The following SLC36A1 variants were observed in gnomAD, a reference collection of about 807,000 sequenced individuals.
SLC36A1 encodes solute carrier family 36 member 1.
SLC36A1 carries 30 observed loss-of-function variants against 47.5 expected under a neutral mutation model. The ratio of observed to expected loss-of-function variants is 0.63; its 90% CI spans 0.47 to 0.86. The LOEUF (loss-of-function observed/expected upper bound fraction) is 0.86. Ranked by LOEUF, SLC36A1 falls within the 40% of genes least tolerant of loss-of-function variation. The pLI is 0.00. For missense variants in SLC36A1, 517 were observed against 606.0 expected, an observed-to-expected ratio of 0.85 and a Z score of 1.54; for synonymous variants, 255 against 249.7, an observed-to-expected ratio of 1.02 and a Z score of -0.20.
the SLC36A1 span, among the ~76,000 whole-genome samples, chr5:151,393,325 C>T: frequency 1.3e-5 from 2 of 152,086 alleles, no homozygotes; most frequent in African/African-American, 4.8e-5. Context: ...CTCCTGAATA[C>T]AGCACACTGA....
the SLC36A1 span, among the ~76,000 whole-genome samples, chr5:151,353,658 A>G: frequency 6.6e-6 from 1 of 152,074 alleles, no homozygotes; most frequent in Non-Finnish European, 1.5e-5. Flanking sequence ...TGTATCTACC[A>G]TGAGTATCAT....
At chr5:151,405,218 T>C in the SLC36A1 span, among the ~76,000 whole-genome samples, 2 of 152,174 alleles carry the variant, frequency 1.3e-5, no homozygotes, top group Non-Finnish European at 2.9e-5. Flanking sequence ...TGTAGTAAAA[T>C]TTTCAATTCC....
At chr5:151,400,355 G>A in the SLC36A1 span, among the ~76,000 whole-genome samples, 10 of 152,244 alleles carry the variant, frequency 6.6e-5, no homozygotes, top group East Asian at 7.7e-4. Flanking sequence ...TTTTATGGCC[G>A]CATAGTATTC....
intron 10 of SLC36A1, chr5:151,480,149 C>T (rs527301268): frequency 8.1e-6 from 11 of 1,356,120 alleles, no homozygotes; most frequent in Non-Finnish European, 1.1e-5. Flanking sequence ...TTTGTAGCTT[C>T]TGTGAGTTGG....
the SLC36A1 span, chr5:151,549,566 G>T: frequency 6.8e-7 from 1 of 1,473,776 alleles, no homozygotes; most frequent in South Asian, 1.2e-5. Context: ...GGCAGGGTTA[G>T]GGTAAGGTTA....
At chr5:151,550,989 C>T in the SLC36A1 span, 1 of 815,476 alleles carries the variant, frequency 1.2e-6, no homozygotes. Flanking sequence ...TCAGCAATCA[C>T]TTGATAAATA....
Position 151,489,813 on chromosome 5 carries a change from G to A in SLC36A1, c.*1559G>A, listed in dbSNP as rs937974042. 6.6e-6 allele frequency: 1 copy of A among 152,210 alleles called. No individual in the cohort carries two copies. The highest frequency in any genetic ancestry group is 1.5e-5 in the Non-Finnish European group (1 of 68,076). The allele number at this position is 152,210 out of a possible 1,614,324, so 9.4% of individuals were successfully genotyped here. The stretch of plus-strand genomic sequence containing the variant: ...CACGTGTGTGTGTACGTGCGTGTGT[G>A]TGTGTGTTCCTGTGTAAGTAACAGA... On this transcript the variant is annotated 3_prime_UTR_variant, in exon 11 of 11. Transcript: ENST00000243389. The surrounding 1 kb of genome is among the most constrained non-coding windows in gnomAD (Gnocchi z 4.5).
chr5:151,363,676 A>G, the SLC36A1 span, among the ~76,000 whole-genome samples: 3 of 152,158 alleles, frequency 2.0e-5, no homozygotes, highest in South Asian at 6.2e-4. Context: ...AATCTATAGT[A>G]TATATTAAAC....
chr5:151,357,255 C>T, the SLC36A1 span, among the ~76,000 whole-genome samples: 1 of 152,140 alleles, frequency 6.6e-6, no homozygotes, highest in Non-Finnish European at 1.5e-5. Flanking sequence ...AGGGCTTTAG[C>T]GGTGGTTGTG....
At chr5:151,537,724 C>T in the SLC36A1 span, 1 of 1,471,116 alleles carries the variant, frequency 6.8e-7, no homozygotes. Context: ...AAGGAGAATA[C>T]CATGGCACTG....
At chr5:151,419,850 T>G in the SLC36A1 span, 23,285 of 152,178 alleles carry the variant, frequency 0.15, 2,163 homozygotes, top group East Asian at 0.38. Flanking sequence ...CTCAACGGGA[T>G]CTGCCATCCT....
At chr5:151,387,786 C>T in the SLC36A1 span, among the ~76,000 whole-genome samples, 1 of 152,170 alleles carries the variant, frequency 6.6e-6, no homozygotes, top group Non-Finnish European at 1.5e-5. Context: ...TTTAAGGACT[C>T]TTTGTCTTTT....
At chr5:151,370,120 G>T in the SLC36A1 span, among the ~76,000 whole-genome samples, 1 of 152,044 alleles carries the variant, frequency 6.6e-6, no homozygotes, top group East Asian at 1.9e-4. Context: ...ATTTTAAAAA[G>T]GCCTTTGTTC....
chr5:151,493,012 A>ATGTG (rs542716230), downstream of SLC36A1, among the ~76,000 whole-genome samples: 1 of 151,590 alleles, frequency 6.6e-6, no homozygotes, highest in Admixed American at 6.6e-5. Flanking sequence ...GTGTTCACAT[A>ATGTG]TGTGTGTGTG....
At chr5:151,424,271 A>G in the SLC36A1 span, among the ~76,000 whole-genome samples, 1 of 152,196 alleles carries the variant, frequency 6.6e-6, no homozygotes, top group Non-Finnish European at 1.5e-5. Context: ...CACAGAGAAC[A>G]ATGATGGAAC....
upstream of SLC36A1, among the ~76,000 whole-genome samples, chr5:151,434,513 A>G (rs1362466672): frequency 6.6e-6 from 1 of 152,234 alleles, no homozygotes; most frequent in Admixed American, 6.5e-5. Flanking sequence ...TGGGAAAGGT[A>G]TTATTCATAA....
At chr5:151,436,942 G>A (rs985150099), upstream of SLC36A1, 2 of 152,058 alleles carry the variant, frequency 1.3e-5, no homozygotes, top group African/African-American at 4.8e-5. Flanking sequence ...CAGTGGCAAT[G>A]GGTGGTTCTC....
chr5:151,467,728 A>G lies in SLC36A1; in HGVS notation c.526A>G (p.Thr176Ala), dbSNP rs1235107687. 6 of 1,613,640 alleles carry G rather than the reference A, an allele frequency of 3.7e-6. No individual in the cohort carries two copies. Among genetic ancestry groups the G allele is most frequent in the African/African-American group, 1.3e-5 (1 of 74,790 alleles). Residue 176 changes from threonine (T) to alanine (A), a missense_variant, in exon 7 of 11, where the codon ACC (threonine) becomes GCC (alanine). By Grantham distance (58) the Thr-to-Ala change is moderately conservative. Coordinates refer to ENST00000243389, the MANE Select transcript of SLC36A1 (RefSeq NM_078483.4). Reference protein sequence around the residue: ...FKQVIEAANGTTNNCHNNETV... With the variant: ...FKQVIEAANGATNNCHNNETV... Reference sequence around the variant, plus strand: ...CTAGGTGATAGAAGCGGCCAATGGGACCACCAATAACTGCCACAACAATGA... The same window carrying G: ...CTAGGTGATAGAAGCGGCCAATGGGGCCACCAATAACTGCCACAACAATGA...
chr5:151,448,366 G>T (rs1753133883), intron 1 of SLC36A1, among the ~76,000 whole-genome samples: 1 of 152,190 alleles, frequency 6.6e-6, no homozygotes, highest in Non-Finnish European at 1.5e-5. Context: ...CTGTGAAAAG[G>T]CACTCCTTTC....
Sources: allele counts gnomAD v4.1 joint callset (sites outside exome capture counted in the v4.1 genomes callset), GRCh38; gene constraint gnomAD v4.1.1; non-coding constraint Gnocchi (gnomAD v3.1); transcripts MANE v1.5; gene names NCBI Gene and HGNC (gene_info 2026-07-23, HGNC 2026-07-21).